DIAPH1: variants seen among roughly 807,000 people sequenced by gnomAD.
DIAPH1 encodes diaphanous related formin 1.
In DIAPH1, 46 loss-of-function variants were observed where a neutral mutation model predicts 140.7. That is an observed-to-expected ratio of 0.33 (90% confidence interval 0.26 to 0.42). The LOEUF is 0.42. DIAPH1 is among the 10% of genes least tolerant of loss of function. DIAPH1 has a pLI of 1.00. For synonymous variants in DIAPH1, 565 were observed against 551.6 expected (o/e 1.02, Z -0.34); for missense variants, 1,310 against 1,558.7 (o/e 0.84, Z 2.69).
rs45515193 is a variant in DIAPH1, at chr5:141,574,364, C to T, written c.1642-156G>A. Among the ~76,000 whole-genome samples, 13,373 of 152,208 alleles carry T rather than the reference C, an allele frequency of 0.088. 765 individuals are homozygous for T. The highest frequency in any genetic ancestry group is 0.15 in the South Asian group (722 of 4,828). On this transcript the variant is annotated intron_variant, in intron 15 of 27. Coordinates refer to ENST00000389054, the MANE Select transcript of DIAPH1 (RefSeq NM_005219.5). ...GATGACATGATCACCTAAAGTCACA[C>T]GGCTTGGCAGCAGAGCCAAAACTAG...
At position 141,573,960 on chromosome 5, in the gene DIAPH1, G is replaced by A. The variant is rs773243558; in HGVS notation, c.1890C>T (p.Pro630=). The A allele has an allele frequency of 3.9e-6, 6 of 1,550,992 alleles. No individual in the cohort carries two copies. The highest frequency in any genetic ancestry group is 5.2e-6 in the Non-Finnish European group (6 of 1,147,628). ...PLPGGVCISS[P]PSLPGGTAIS... ...TAGCAGTACCTCCAGGTAAAGAAGG[G>A]GGTGAGGAGATGCAAACACCCCCAG... is the stretch of plus-strand genomic sequence containing the variant. The change falls in exon 16 of 28, where the codon CCC becomes CCT. Residue 630 remains proline, a synonymous_variant. Transcript: ENST00000389054.
rs570454306 is a variant in DIAPH1 at position 141,527,721 on chromosome 5, A to C, written c.3149-24T>G. ...AACTAAAAAAAAAAAAAAAAAAAAA[A>C]ACCATAAAAACAGACAGCAAGAGCT... On this transcript the variant is annotated intron_variant, in intron 23 of 27. Transcript: ENST00000389054. The C allele has an allele frequency of 4.3e-5, 67 of 1,542,222 alleles. No homozygotes were observed. In the Admixed American group the frequency reaches 1.2e-3, roughly 28 times the overall value.
At chr5:141,540,761 CA>C (rs2099889842) in intron 18 of DIAPH1, among the ~76,000 whole-genome samples, 1 of 151,498 alleles carries the variant, frequency 6.6e-6, no homozygotes, top group Non-Finnish European at 1.5e-5. Context: ...TATCACCTAT[CA>C]AAAGACGCCA....
rs779974546 is a variant in DIAPH1, at chr5:141,588,210, C to T, written c.144+14G>A. The T allele has an allele frequency of 6.2e-7, 1 of 1,608,850 alleles. No individual in the cohort carries two copies. The highest frequency in any genetic ancestry group is 8.5e-7 in the Non-Finnish European group (1 of 1,175,416). ...TGAGCTAGAACATGCACATGCTAAACAAAATGTCCTTACCTCATCTGCCAT... is the reference window on the plus strand; with the variant it reads ...TGAGCTAGAACATGCACATGCTAAATAAAATGTCCTTACCTCATCTGCCAT... On this transcript the variant is annotated intron_variant, in intron 2 of 27. Transcript: ENST00000389054.
At chr5:141,534,077 C>G (rs1161558771) in intron 19 of DIAPH1, among the ~76,000 whole-genome samples, 1 of 150,086 alleles carries the variant, frequency 6.7e-6, no homozygotes, top group Non-Finnish European at 1.5e-5. Flanking sequence ...CCCAGACCTC[C>G]TTCTTACTAG....
intron 18 of DIAPH1, chr5:141,563,965 A>T (rs1233116842): frequency 6.6e-6 from 1 of 152,226 alleles, no homozygotes; most frequent in Admixed American, 6.5e-5. Context: ...ATGCGCTTAA[A>T]GTAGTTTTTC....
chr5:141,523,667 G>A (rs1197804219), intron 27 of DIAPH1, among the ~76,000 whole-genome samples: 1 of 151,430 alleles, frequency 6.6e-6, no homozygotes, highest in Non-Finnish European at 1.5e-5. Context: ...TTCTATCTGG[G>A]AATAATGATG....
chr5:141,534,530 C>G, intron 18 of DIAPH1, 97 bp from the exon 19 acceptor site: 1 of 912,424 alleles, frequency 1.1e-6, no homozygotes, highest in East Asian at 2.4e-5. Context: ...CCCTCACTTC[C>G]TCTCTATTAT....
chr5:141,583,358 T>C, intron 5 of DIAPH1, 66 bp from the exon 6 acceptor site: 2 of 1,605,020 alleles, frequency 1.2e-6, no homozygotes, highest in South Asian at 2.2e-5. Context: ...AAACAAAGTT[T>C]ATCCTGACAA....
intron 18 of DIAPH1, among the ~76,000 whole-genome samples, chr5:141,569,465 A>G (rs747186386): frequency 8.5e-5 from 13 of 152,186 alleles, no homozygotes; most frequent in Non-Finnish European, 1.3e-4. Flanking sequence ...AATTACTTTT[A>G]AAAAGTAGTA....
At chr5:141,588,455 CAT>C (rs376292759) in intron 1 of DIAPH1, among the ~76,000 whole-genome samples, 16 of 133,562 alleles carry the variant, frequency 1.2e-4, no homozygotes, top group African/African-American at 4.2e-4. Flanking sequence ...AGGTCACTAA[CAT>C]ATGACTCTTA....
At chr5:141,541,997 T>A (rs1310692734) in intron 18 of DIAPH1, among the ~76,000 whole-genome samples, 1 of 152,160 alleles carries the variant, frequency 6.6e-6, no homozygotes, top group African/African-American at 2.4e-5. Flanking sequence ...TATCCTTTCA[T>A]CCTATTAAAC....
Position 141,573,782 on chromosome 5 carries a change from G to A in DIAPH1, c.2068C>T (p.Pro690Ser), listed in dbSNP as rs1292892436. 1 of 1,345,456 alleles carries A rather than the reference G, an allele frequency of 7.4e-7. No individual in the cohort carries two copies. The highest frequency in any genetic ancestry group is 1.3e-5 in the South Asian group (1 of 74,984). 83.3% of individuals were successfully genotyped at this position (1,345,456 alleles called of 1,614,324 possible). A position where few individuals can be genotyped will look rare whatever the true frequency, so the allele number is the denominator to read the frequency against. Residue 690 changes from proline to serine, a missense_variant, in exon 16 of 28, where the codon CCA becomes TCA. This residue lies in a region of DIAPH1 where 589 missense variants were observed against 549.3 expected (regional missense o/e 1.07). Coordinates refer to ENST00000389054, the MANE Select transcript of DIAPH1 (RefSeq NM_005219.5). The stretch of plus-strand genomic sequence containing the variant: ...GCACTCCCAGGCAAAGGAGGTGGTG[G>A]TGGGGGGATTCTAGCACTCCCAGGC... ...PLPGSARIPP[P>S]PPPLPGSAGI...
intron 2 of DIAPH1, 114 bp from the exon 3 acceptor site, chr5:141,587,311 A>G (rs2154596699): frequency 9.5e-7 from 1 of 1,050,384 alleles, no homozygotes; most frequent in Non-Finnish European, 1.4e-6. Flanking sequence ...TCTGGTTCAC[A>G]AGCAGTTCAA....
chr5:141,566,166 G>A (rs1235937510), intron 18 of DIAPH1, among the ~76,000 whole-genome samples: 1 of 152,188 alleles, frequency 6.6e-6, no homozygotes, highest in Non-Finnish European at 1.5e-5. Context: ...ATAGCAAAGG[G>A]AGTAAGGTAA....
intron 18 of DIAPH1, among the ~76,000 whole-genome samples, chr5:141,566,925 CA>C (rs751834921): frequency 6.6e-6 from 1 of 151,936 alleles, no homozygotes; most frequent in Admixed American, 6.6e-5. Context: ...CAAAACAAAA[CA>C]AAACCACATA....
At chr5:141,598,168 C>T (rs1436660288) in intron 1 of DIAPH1, among the ~76,000 whole-genome samples, 1 of 152,194 alleles carries the variant, frequency 6.6e-6, no homozygotes, top group South Asian at 2.1e-4. Flanking sequence ...CTAACAGTGG[C>T]AATGCCAACT....
At chr5:141,563,370 T>C (rs1013655656) in intron 18 of DIAPH1, 7 of 152,194 alleles carry the variant, frequency 4.6e-5, no homozygotes, top group African/African-American at 1.7e-4. Context: ...AATACTTATA[T>C]AATACCTATT....
chr5:141,591,784 T>C (rs2099898519), intron 1 of DIAPH1, among the ~76,000 whole-genome samples: 1 of 143,376 alleles, frequency 7.0e-6, no homozygotes, highest in Non-Finnish European at 1.5e-5. Context: ...ACAGATTTTA[T>C]CTTAAAAAAA....
Sources: gnomAD v4.1 joint callset for allele counts (sites outside exome capture counted in the v4.1 genomes callset) on GRCh38, gnomAD v4.1.1 for gene constraint, gnomAD v4.1.1 regional missense constraint, MANE v1.5 for transcripts, NCBI Gene and HGNC (gene_info 2026-07-23, HGNC 2026-07-21) for gene names.